The following PCDH11X variants were observed in gnomAD, a reference collection of about 807,000 sequenced individuals.
PCDH11X encodes the protein protocadherin 11 X-linked.
A neutral mutation model predicts 53.3 loss-of-function variants in PCDH11X; 18 were observed. That is an observed-to-expected ratio of 0.34 (90% CI 0.23 to 0.50). The LOEUF is 0.50. PCDH11X is among the 20% of genes least tolerant of loss of function. PCDH11X has a pLI of 0.98. For synonymous variants in PCDH11X, 279 were observed against 393.3 expected (o/e 0.71, Z 3.44); for missense variants, 570 against 1,032.4 (o/e 0.55, Z 6.14).
chrX:92,502,388 G>A (rs1211316629), intron 10 of PCDH11X, among the ~76,000 whole-genome samples: 2 of 107,381 alleles, frequency 1.9e-5, no homozygotes, highest in Admixed American at 1.0e-4. Flanking sequence ...AATTCATATC[G>A]AACTAAAAAT....
intron 6 of PCDH11X, among the ~76,000 whole-genome samples, chrX:91,910,305 C>T (rs1941328732): frequency 9.5e-6 from 1 of 104,964 alleles, no homozygotes; most frequent in Non-Finnish European, 2.0e-5. Flanking sequence ...TTTTAGTTCC[C>T]AGTGAAGGCC....
chrX:92,147,855 T>TCTTTCTATCTTTCTTTC (rs1569388349), intron 6 of PCDH11X, among the ~76,000 whole-genome samples: 1 of 22,356 alleles, frequency 4.5e-5, no homozygotes, highest in African/African-American at 7.8e-5. Flanking sequence ...TTCTTTCTTT[T>TCTTTCTATCTTTCTTTC]TTCTTTTCTC....
chrX:91,953,771 A>G (rs1396656727), intron 6 of PCDH11X, among the ~76,000 whole-genome samples: 2 of 109,605 alleles, frequency 1.8e-5, no homozygotes, highest in Non-Finnish European at 3.8e-5. Flanking sequence ...CTTTGCTGTT[A>G]TTTAGAAGTG....
intron 6 of PCDH11X, among the ~76,000 whole-genome samples, chrX:92,129,903 AC>A (rs1249403091): frequency 1.8e-5 from 2 of 111,376 alleles, no homozygotes. Flanking sequence ...TGTGTTTTTA[AC>A]CCCAACAACA....
chrX:92,374,393 G>A (rs1030544564), intron 8 of PCDH11X, among the ~76,000 whole-genome samples: 2 of 99,840 alleles, frequency 2.0e-5, no homozygotes, highest in Admixed American at 1.1e-4. Flanking sequence ...AGTTGCCTCA[G>A]TACAAGTTTG....
chrX:92,546,062 T>C (rs2148743916), intron 10 of PCDH11X, among the ~76,000 whole-genome samples: 1 of 105,489 alleles, frequency 9.5e-6, no homozygotes, highest in East Asian at 2.8e-4. Flanking sequence ...TACTATGTGG[T>C]GAGCTGATTT....
At chrX:91,802,545 C>A (rs1226717854) in intron 1 of PCDH11X, among the ~76,000 whole-genome samples, 1 of 111,534 alleles carries the variant, frequency 9.0e-6, no homozygotes, top group Non-Finnish European at 1.9e-5. Context: ...TAATGCCCAC[C>A]TGCATGAAAT....
intron 6 of PCDH11X, among the ~76,000 whole-genome samples, chrX:91,900,113 A>G (rs781479278): frequency 9.1e-6 from 1 of 109,847 alleles, no homozygotes; most frequent in South Asian, 4.2e-4. Flanking sequence ...CCTTTATTCC[A>G]TGCATACTAT....
intron 6 of PCDH11X, among the ~76,000 whole-genome samples, chrX:91,985,209 A>G (rs1482330977): frequency 8.9e-6 from 1 of 112,409 alleles, no homozygotes; most frequent in African/African-American, 3.2e-5. Context: ...TTACATGCTT[A>G]AAGTTTAATT....
intron 4 of PCDH11X, among the ~76,000 whole-genome samples, chrX:91,816,051 C>T (rs895779596): frequency 1.1e-4 from 12 of 109,284 alleles, no homozygotes; most frequent in African/African-American, 4.1e-4. Context: ...TCACTTGAAC[C>T]CGGGAGGCGG....
At chrX:92,264,880 ATT>A (rs36145079) in intron 8 of PCDH11X, among the ~76,000 whole-genome samples, 2 of 87,752 alleles carry the variant, frequency 2.3e-5, no homozygotes, top group Admixed American at 1.3e-4. Flanking sequence ...GTGAAGGACA[ATT>A]TTTTTTTTTT....
At chrX:92,275,860 G>A (rs1211198324) in intron 8 of PCDH11X, among the ~76,000 whole-genome samples, 1 of 110,451 alleles carries the variant, frequency 9.1e-6, no homozygotes, top group Non-Finnish European at 1.9e-5. Context: ...AGATGGTAAG[G>A]GGTGCATGAT....
At chrX:92,370,386 C>T (rs190119828) in intron 8 of PCDH11X, among the ~76,000 whole-genome samples, 35 of 105,914 alleles carry the variant, frequency 3.3e-4, no homozygotes, top group African/African-American at 1.0e-3. Context: ...TTTGATCTCG[C>T]GTGATATGTC....
intron 10 of PCDH11X, among the ~76,000 whole-genome samples, chrX:92,512,656 G>T (rs1421856459): frequency 8.9e-5 from 10 of 112,233 alleles, no homozygotes; most frequent in African/African-American, 2.9e-4. Context: ...GCGTGTCACA[G>T]TGAGTGTACA....
rs1380656368 is a variant in PCDH11X, at chrX:91,875,314, A to G, written c.541-1467A>G. Among the ~76,000 whole-genome samples the G allele has an allele frequency of 8.4e-5, 7 of 83,179 alleles. No individual in the cohort carries two copies. In the South Asian group the frequency reaches 2.4e-3, roughly 29 times the overall value. The allele number at this position is 83,179 out of a possible 115,157, so 72.2% of individuals were successfully genotyped here. ...TTTTTTTTTTTTTGAGACGAGTCTC[A>G]CTCTGTCGCCCAGGCTGGAGTGCAG... On this transcript the variant is annotated intron_variant, in intron 5 of 10. Coordinates refer to ENST00000682573, the MANE Select transcript of PCDH11X (RefSeq NM_032968.5).
chrX:91,981,329 A>G (rs2062134082), intron 6 of PCDH11X, among the ~76,000 whole-genome samples: 1 of 109,731 alleles, frequency 9.1e-6, no homozygotes, highest in African/African-American at 3.3e-5. Flanking sequence ...TATCTGGGCT[A>G]TGTTTTCAAT....
chrX:92,134,785 C>G (rs767015178), intron 6 of PCDH11X, among the ~76,000 whole-genome samples: 127 of 111,495 alleles, frequency 1.1e-3, no homozygotes, highest in African/African-American at 4.0e-3. Flanking sequence ...TGTCATGGCA[C>G]TGGGGGGAAT....
intron 6 of PCDH11X, among the ~76,000 whole-genome samples, chrX:92,143,276 T>C (rs927982011): frequency 8.9e-6 from 1 of 112,041 alleles, no homozygotes; most frequent in Non-Finnish European, 1.9e-5. Context: ...TGAGACCCTG[T>C]CCTAATGTCA....
At chrX:92,201,782 T>C (rs1029865239) in intron 7 of PCDH11X, among the ~76,000 whole-genome samples, 1 of 112,317 alleles carries the variant, frequency 8.9e-6, no homozygotes, top group Admixed American at 9.5e-5. Flanking sequence ...TTTTATAATA[T>C]GACTTAAATT....
Sources: gnomAD v4.1 joint callset for allele counts (sites outside exome capture counted in the v4.1 genomes callset) on GRCh38, gnomAD v4.1.1 for gene constraint, MANE v1.5 for transcripts, NCBI Gene and HGNC (gene_info 2026-07-23, HGNC 2026-07-21) for gene names.